Variants in FBXL2 observed in about 807,000 individuals in gnomAD.
The protein encoded by FBXL2 is F-box and leucine rich repeat protein 2.
A neutral mutation model predicts 69.2 loss-of-function variants in FBXL2; 38 were observed. That is an observed-to-expected ratio of 0.55 (90% CI 0.42 to 0.72). The LOEUF (loss-of-function observed/expected upper bound fraction) is 0.72. Ranked by LOEUF, FBXL2 falls within the 30% of genes least tolerant of loss-of-function variation. FBXL2 has a pLI of 0.00. For missense variants in FBXL2, 354 were observed against 520.3 expected (o/e 0.68, Z 3.11); for synonymous variants, 192 against 201.3 (o/e 0.95, Z 0.39).
At position 33,277,499 on chromosome 3, in the gene FBXL2, G is replaced by C. The variant is rs2033394179; in HGVS notation, c.-14G>C. On this transcript the variant is annotated 5_prime_UTR_variant, in exon 1 of 15. Transcript: ENST00000484457. ...GTGACTTCGGGCTGTGGGCTCGCTC[G>C]CGGCTCTTCGGCCATGGTGAGTCTG... 5.4e-6 allele frequency: 7 copies of C among 1,298,710 alleles called. No homozygotes were observed. Among genetic ancestry groups the C allele is most frequent in the South Asian group, 2.8e-5 (1 of 35,340 alleles). 80.4% of individuals were successfully genotyped at this position (1,298,710 alleles called of 1,614,324 possible). A position where few individuals can be genotyped will look rare whatever the true frequency, so the allele number is the denominator to read the frequency against.
intron 13 of FBXL2, among the ~76,000 whole-genome samples, chr3:33,379,736 T>C (rs1294937808): frequency 6.7e-6 from 1 of 149,946 alleles, no homozygotes; most frequent in African/African-American, 2.4e-5. Context: ...CTCATAAACA[T>C]AGAAGCAAGT....
rs192775325 is a variant in FBXL2 at position 33,378,609 on chromosome 3, C to T, written c.895-76C>T. 114 of 1,415,658 alleles carry T rather than the reference C, an allele frequency of 8.1e-5. No individual in the cohort carries two copies. In the East Asian group the frequency reaches 1.9e-3, roughly 23 times the overall value. The allele number at this position is 1,415,658 out of a possible 1,614,324, so 87.7% of individuals were successfully genotyped here. ...TAATTCTTTTACACCTTTTGATTCT[C>T]GTGTTCAGGAGAAGCCAGGATTAGG... On this transcript the variant is annotated intron_variant, in intron 12 of 14. Transcript: ENST00000484457.
chr3:33,295,680 A>G (rs987736240), intron 1 of FBXL2, among the ~76,000 whole-genome samples: 13 of 152,210 alleles, frequency 8.5e-5, no homozygotes, highest in Non-Finnish European at 1.8e-4. Flanking sequence ...CAAAGTGGCT[A>G]TGCCATTTTA....
chr3:33,362,395 C>T (rs775559152), intron 4 of FBXL2, among the ~76,000 whole-genome samples: 1 of 152,138 alleles, frequency 6.6e-6, no homozygotes. Context: ...CTCTAAAGCC[C>T]TTCATTCTAA....
chr3:33,403,974 G>T (rs1047207853), downstream of FBXL2, among the ~76,000 whole-genome samples: 1 of 152,132 alleles, frequency 6.6e-6, no homozygotes, highest in African/African-American at 2.4e-5. Context: ...GGCTGGACAC[G>T]GTGACTCATG....
chr3:33,332,374 T>C (rs1193715882), intron 2 of FBXL2, among the ~76,000 whole-genome samples: 1 of 152,178 alleles, frequency 6.6e-6, no homozygotes. Flanking sequence ...AGTTTGGGAG[T>C]TCCTTGAAAA....
downstream of FBXL2, chr3:33,392,167 C>G (rs1035458590): frequency 1.8e-5 from 3 of 163,148 alleles, no homozygotes; most frequent in Non-Finnish European, 4.0e-5. Flanking sequence ...TAAGTACCCC[C>G]ACACTTTCCT....
chr3:33,383,638 A>G (rs998610635), intron 13 of FBXL2: 40 of 246,396 alleles, frequency 1.6e-4, no homozygotes, highest in Admixed American at 1.1e-3. Context: ...GTAAACTGAA[A>G]TCTCCCCTGA....
chr3:33,375,295 C>T lies in FBXL2; in HGVS notation c.665C>T (p.Thr222Met), dbSNP rs1553659577. 8.1e-6 allele frequency: 13 copies of T among 1,613,492 alleles called. No individual in the cohort carries two copies. The highest frequency in any genetic ancestry group is 2.2e-5 in the East Asian group (1 of 44,892). ...TGTGCTGCTTTTCCTCAGCGTATCA[C>T]GGATGAAGGTGTGGTGCAGATATGC... Reference protein sequence around the residue: ...SLNLQSCSRITDEGVVQICRG... With the variant: ...SLNLQSCSRIMDEGVVQICRG... The change falls in exon 10 of 15, where the codon ACG becomes ATG. Residue 222 changes from threonine (T) to methionine (M), a missense_variant. Thr to Met is a moderately conservative substitution (Grantham distance 81). Coordinates refer to ENST00000484457, the MANE Select transcript of FBXL2 (RefSeq NM_012157.5).
Position 33,387,689 on chromosome 3 carries a change from C to G in FBXL2, c.*2081C>G, listed in dbSNP as rs1418036111. ...GATTGATTTCTTTTGAGCCAGGATA[C>G]AACCTATCATCAGTCACAGCTATTG... is the stretch of plus-strand genomic sequence containing the variant. On this transcript the variant is annotated 3_prime_UTR_variant, in exon 15 of 15. Transcript: ENST00000484457. The G allele has an allele frequency of 6.6e-6, 1 of 152,194 alleles. No homozygotes were observed. Among genetic ancestry groups the G allele is most frequent in the Non-Finnish European group, 1.5e-5 (1 of 68,048 alleles). 9.4% of individuals were successfully genotyped at this position (152,194 alleles called of 1,614,324 possible).
chr3:33,393,516 TGATCTGTAG>T, intron 12 of FBXL2: 9 of 1,525,826 alleles, frequency 5.9e-6, no homozygotes, highest in Non-Finnish European at 7.9e-6. Flanking sequence ...GTTTTCTGCC[TGATCTGTAG>T]GATCTGTACG....
At chr3:33,396,572 A>T in intron 12 of FBXL2, 1 of 417,140 alleles carries the variant, frequency 2.4e-6, no homozygotes, top group African/African-American at 2.0e-5. Context: ...GTAAGATTCA[A>T]TTTTAATGGA....
intron 1 of FBXL2, among the ~76,000 whole-genome samples, chr3:33,292,778 T>C (rs991468922): frequency 1.3e-5 from 2 of 151,564 alleles, no homozygotes; most frequent in East Asian, 1.9e-4. Flanking sequence ...CAATTTTATG[T>C]TGTCTGCAAG....
intron 12 of FBXL2, chr3:33,397,224 C>A: frequency 2.1e-6 from 2 of 945,176 alleles, no homozygotes; most frequent in East Asian, 2.6e-5. Context: ...GTCCAATGTC[C>A]TTCAAAATAA....
At chr3:33,339,089 C>CAA (rs1039773985) in intron 2 of FBXL2, among the ~76,000 whole-genome samples, 1 of 151,738 alleles carries the variant, frequency 6.6e-6, no homozygotes, top group African/African-American at 2.4e-5. Context: ...AACAAACAAA[C>CAA]AAAAAAACCC....
intron 3 of FBXL2, 117 bp from the exon 4 acceptor site, chr3:33,359,166 T>G: frequency 1.0e-6 from 1 of 973,126 alleles, no homozygotes; most frequent in Non-Finnish European, 1.5e-6. Flanking sequence ...ATGATTAACT[T>G]AATATACATC....
At chr3:33,350,861 A>G (rs2040781829) in intron 2 of FBXL2, among the ~76,000 whole-genome samples, 1 of 152,202 alleles carries the variant, frequency 6.6e-6, no homozygotes, top group African/African-American at 2.4e-5. Flanking sequence ...ATAAGGCAAG[A>G]AAAGAAAAGA....
chr3:33,369,516 G>A (rs1280950547), intron 5 of FBXL2, among the ~76,000 whole-genome samples: 4 of 151,812 alleles, frequency 2.6e-5, no homozygotes, highest in South Asian at 4.2e-4. Flanking sequence ...CTCCTCACTC[G>A]GTTGTCATAC....
chr3:33,399,234 CA>C (rs1475970361), intron 12 of FBXL2, among the ~76,000 whole-genome samples: 1 of 152,232 alleles, frequency 6.6e-6, no homozygotes, highest in East Asian at 1.9e-4. Flanking sequence ...ACTAGGTGGT[CA>C]TGTTGGAAAA....
Sources: gnomAD v4.1 joint callset for allele counts (sites outside exome capture counted in the v4.1 genomes callset) on GRCh38, gnomAD v4.1.1 for gene constraint, MANE v1.5 for transcripts, NCBI Gene and HGNC (gene_info 2026-07-23, HGNC 2026-07-21) for gene names.